WDR44: variants seen among roughly 807,000 people sequenced by gnomAD.
WDR44 encodes the protein WD repeat-containing protein 44.
Under a neutral mutation model 65.7 loss-of-function variants are expected in WDR44, and 9 were observed. The observed-to-expected ratio is 0.14, with a 90% CI of 0.08 to 0.24. The LOEUF is 0.24. Among genes scored for constraint, WDR44 ranks in the 10% least tolerant of loss-of-function variants. The pLI is 1.00. For synonymous variants in WDR44, 220 were observed against 235.2 expected (o/e 0.94, Z 0.59); for missense variants, 425 against 670.9 (o/e 0.63, Z 4.05).
chrX:118,444,055 CA>C (rs200490026), intron 18 of WDR44, among the ~76,000 whole-genome samples: 1 of 105,559 alleles, frequency 9.5e-6, no homozygotes, highest in South Asian at 4.1e-4. Context: ...AAAAAAAAGA[CA>C]AAAAAAAAGA....
At chrX:118,433,627 T>A (rs1417691235) in intron 13 of WDR44, among the ~76,000 whole-genome samples, 1 of 111,427 alleles carries the variant, frequency 9.0e-6, no homozygotes, top group Non-Finnish European at 1.9e-5. Context: ...AAAAATACCT[T>A]CCTCATAGTG....
At chrX:118,421,051 G>A (rs2057100920) in intron 12 of WDR44, among the ~76,000 whole-genome samples, 1 of 111,318 alleles carries the variant, frequency 9.0e-6, no homozygotes, top group South Asian at 3.8e-4. Flanking sequence ...CCCCTTATTT[G>A]GATGCCTTGA....
intron 12 of WDR44, among the ~76,000 whole-genome samples, chrX:118,429,463 C>T (rs1489573737): frequency 9.3e-6 from 1 of 108,093 alleles, no homozygotes; most frequent in Non-Finnish European, 1.9e-5. Flanking sequence ...GTGCTGTGTG[C>T]CTATAATCCC....
At chrX:118,425,173 G>A (rs952426901) in intron 12 of WDR44, among the ~76,000 whole-genome samples, 10 of 111,843 alleles carry the variant, frequency 8.9e-5, no homozygotes, top group Non-Finnish European at 7.5e-5. Flanking sequence ...GTGAGAAGGA[G>A]AGGAAAATAG....
At chrX:118,438,393 T>C (rs926083622) in intron 14 of WDR44, among the ~76,000 whole-genome samples, 3 of 91,247 alleles carry the variant, frequency 3.3e-5, no homozygotes, top group African/African-American at 1.2e-4. Flanking sequence ...GATATTTGGT[T>C]GTGTTCGTTT....
intron 1 of WDR44, among the ~76,000 whole-genome samples, chrX:118,375,307 T>G (rs1263726886): frequency 9.0e-6 from 1 of 110,723 alleles, no homozygotes; most frequent in Non-Finnish European, 1.9e-5. Context: ...TTTTAAAATA[T>G]CTTACCCTTC....
intron 2 of WDR44, among the ~76,000 whole-genome samples, chrX:118,385,391 A>G (rs2056757361): frequency 8.9e-6 from 1 of 111,881 alleles, no homozygotes; most frequent in South Asian, 3.7e-4. Flanking sequence ...TCCTTAGCAA[A>G]TCAATGCAGG....
chrX:118,444,643 G>A, intron 19 of WDR44, 149 bp downstream of exon 19: 2 of 715,726 alleles, frequency 2.8e-6, no homozygotes, highest in Non-Finnish European at 3.9e-6. Context: ...CACCCAGGCT[G>A]GAGCGCAGTG....
intron 14 of WDR44, among the ~76,000 whole-genome samples, chrX:118,437,975 G>A (rs2057267710): frequency 9.1e-6 from 1 of 110,202 alleles, no homozygotes; most frequent in Non-Finnish European, 1.9e-5. Context: ...GGCAGAGGCT[G>A]CAGTGAGCTG....
chrX:118,405,659 A>G (rs1393002959), intron 9 of WDR44, among the ~76,000 whole-genome samples: 1 of 111,688 alleles, frequency 9.0e-6, no homozygotes, highest in African/African-American at 3.3e-5. Flanking sequence ...GTTTTTACAA[A>G]TACAGTCAGT....
chrX:118,348,695 G>A (rs145628152), intron 1 of WDR44, among the ~76,000 whole-genome samples: 5 of 111,835 alleles, frequency 4.5e-5, no homozygotes, highest in African/African-American at 9.8e-5. Flanking sequence ...ATAAGACACC[G>A]TGAGGAGATC....
At position 118,449,560 on chromosome X, in the gene WDR44, G is replaced by A. The variant is rs2057374112; in HGVS notation, c.*573G>A. The A allele has an allele frequency of 9.0e-6, 1 of 110,533 alleles. No individual in the cohort carries two copies. Among genetic ancestry groups the A allele is most frequent in the Non-Finnish European group, 1.9e-5 (1 of 52,744 alleles). 9.1% of individuals were successfully genotyped at this position (110,533 alleles called of 1,213,427 possible). ...AAGATTTTTTTGTGGTCTAAATTGT[G>A]GGCTTAAGATTCTTTTCTTTATATG... is the stretch of plus-strand genomic sequence containing the variant. On this transcript the variant is annotated 3_prime_UTR_variant, in exon 20 of 20. Coordinates refer to ENST00000254029, the MANE Select transcript of WDR44 (RefSeq NM_019045.5).
At chrX:118,435,647 G>T (rs2057249045) in intron 13 of WDR44, among the ~76,000 whole-genome samples, 1 of 111,933 alleles carries the variant, frequency 8.9e-6, no homozygotes, top group Non-Finnish European at 1.9e-5. Flanking sequence ...TTATACAGTT[G>T]GTATTAATCA....
At chrX:118,359,246 A>G (rs982220922) in intron 1 of WDR44, among the ~76,000 whole-genome samples, 2 of 112,191 alleles carry the variant, frequency 1.8e-5, no homozygotes, top group Non-Finnish European at 3.8e-5. Flanking sequence ...TCTTGATTTT[A>G]CTGGAAATTA....
rs1252262969 is a variant in WDR44 at position 118,352,350 on chromosome X, ATATTTTTT to A, written c.77+5772_77+5779del. ...TATATATATATATATATATATATATATATTTTTTTTTTTTTTTTTTTTTGTAGAGATGG... is the reference window on the plus strand; with the variant it reads ...TATATATATATATATATATATATATATTTTTTTTTTTTTTTGTAGAGATGG... On this transcript the variant is annotated intron_variant, in intron 1 of 19. Coordinates refer to ENST00000254029, the MANE Select transcript of WDR44 (RefSeq NM_019045.5). 6.6e-3 allele frequency among the ~76,000 whole-genome samples: 133 copies of A among 20,269 alleles called. 1 individual carries two copies. Among genetic ancestry groups the A allele is most frequent in the African/African-American group, 0.052 (126 of 2,421 alleles). The allele number at this position is 20,269 out of a possible 115,157, so 17.6% of individuals were successfully genotyped here. A position where few individuals can be genotyped will look rare whatever the true frequency, so the allele number is the denominator to read the frequency against.
At chrX:118,378,709 CGTGT>C (rs61698360) in intron 2 of WDR44, among the ~76,000 whole-genome samples, 38 of 94,439 alleles carry the variant, frequency 4.0e-4, no homozygotes, top group East Asian at 2.5e-3. Context: ...AATAAAAGAA[CGTGT>C]GTGTGTGTGT....
chrX:118,377,719 CTCTCTTT>C (rs2056673860), intron 1 of WDR44, among the ~76,000 whole-genome samples: 1 of 75,387 alleles, frequency 1.3e-5, no homozygotes, highest in Non-Finnish European at 2.3e-5. Flanking sequence ...ATTTTCTTCT[CTCTCTTT>C]TTTTTTTTTT....
intron 12 of WDR44, among the ~76,000 whole-genome samples, chrX:118,421,668 T>G (rs1043261153): frequency 1.4e-4 from 16 of 112,072 alleles, no homozygotes; most frequent in African/African-American, 5.2e-4. Flanking sequence ...AAAAGTATTG[T>G]ACAGTCGAAC....
At chrX:118,419,131 G>C in intron 12 of WDR44, among the ~76,000 whole-genome samples, 1 of 111,474 alleles carries the variant, frequency 9.0e-6, no homozygotes, top group East Asian at 2.8e-4. Flanking sequence ...AAAGAAAAAG[G>C]CTTGGTTCTT....
Sources: allele counts gnomAD v4.1 joint callset (sites outside exome capture counted in the v4.1 genomes callset), GRCh38; gene constraint gnomAD v4.1.1; transcripts MANE v1.5; gene names NCBI Gene and HGNC (gene_info 2026-07-23, HGNC 2026-07-21).